Variants in OR3A3 observed in about 807,000 individuals in gnomAD.
OR3A3 encodes the protein olfactory receptor family 3 subfamily A member 3.
For missense variants in OR3A3, 275 were observed against 391.4 expected (o/e 0.70, Z 2.51); for synonymous variants, 103 against 163.9 (o/e 0.63, Z 2.84).
intron 2 of OR3A3, among the ~76,000 whole-genome samples, chr17:3,416,708 T>G (rs1298478174): frequency 6.6e-6 from 1 of 152,112 alleles, no homozygotes; most frequent in African/African-American, 2.4e-5. Flanking sequence ...TTTATTGAAA[T>G]ATAATAGTTG....
exon 3 of OR3A3, chr17:3,421,497 G>C (rs535211163): frequency 1.5e-5 from 23 of 1,542,908 alleles, no homozygotes; most frequent in Non-Finnish European, 2.0e-5. Flanking sequence ...AGGGCGCTCT[G>C]TGTCAGCTAC....
intron 2 of OR3A3, among the ~76,000 whole-genome samples, chr17:3,413,580 C>T (rs1362959976): frequency 1.3e-5 from 2 of 151,998 alleles, no homozygotes; most frequent in African/African-American, 2.4e-5. Flanking sequence ...TTTGGGAGGC[C>T]GAGGTGGGCG....
intron 2 of OR3A3, among the ~76,000 whole-genome samples, chr17:3,416,966 T>C (rs2072395764): frequency 6.6e-6 from 1 of 151,958 alleles, no homozygotes; most frequent in African/African-American, 2.4e-5. Context: ...CAATTTATCT[T>C]TATCACTCCT....
chr17:3,416,137 G>C (rs543782364), intron 2 of OR3A3, among the ~76,000 whole-genome samples: 22 of 151,804 alleles, frequency 1.4e-4, no homozygotes, highest in Non-Finnish European at 2.2e-4. Context: ...TAACATGTTA[G>C]GTAAGTACCT....
chr17:3,421,965 C>T (rs1224428149), exon 3 of OR3A3: 3 of 154,526 alleles, frequency 1.9e-5, no homozygotes, highest in Admixed American at 6.4e-5. Flanking sequence ...CCCGCTTTCT[C>T]GGTAGAGCTG....
intron 2 of OR3A3, among the ~76,000 whole-genome samples, chr17:3,414,603 C>T (rs533206337): frequency 5.9e-5 from 9 of 152,152 alleles, no homozygotes; most frequent in Non-Finnish European, 1.0e-4. Flanking sequence ...AGCAGCAATG[C>T]GATCAGAGAC....
chr17:3,419,601 C>T (rs2072413602), intron 2 of OR3A3, among the ~76,000 whole-genome samples: 1 of 152,012 alleles, frequency 6.6e-6, no homozygotes, highest in Non-Finnish European at 1.5e-5. Flanking sequence ...AAAGCATATG[C>T]CAATCAATAT....
chr17:3,415,316 T>C (rs192282018), intron 2 of OR3A3, among the ~76,000 whole-genome samples: 6 of 152,118 alleles, frequency 3.9e-5, no homozygotes, highest in African/African-American at 1.4e-4. Flanking sequence ...ATCCCAGCAC[T>C]TTGGGAGGCC....
chr17:3,420,059 G>A (rs761202766), intron 2 of OR3A3, among the ~76,000 whole-genome samples: 22 of 152,218 alleles, frequency 1.4e-4, no homozygotes, highest in African/African-American at 1.9e-4. Context: ...GAGCCACTGC[G>A]CCCGGGGAAA....
chr17:3,417,921 G>A (rs537507296), intron 2 of OR3A3, among the ~76,000 whole-genome samples: 27 of 152,282 alleles, frequency 1.8e-4, no homozygotes, highest in African/African-American at 6.0e-4. Context: ...GTCTCTAGAA[G>A]CCGGTCTTCA....
At chr17:3,413,319 T>C (rs1246872875) in intron 2 of OR3A3, among the ~76,000 whole-genome samples, 4 of 152,292 alleles carry the variant, frequency 2.6e-5, no homozygotes, top group Admixed American at 2.0e-4. Flanking sequence ...AGCCAGCAAC[T>C]GGCGTCAAGT....
chr17:3,416,573 C>T (rs577286134), intron 2 of OR3A3, among the ~76,000 whole-genome samples: 3 of 152,172 alleles, frequency 2.0e-5, no homozygotes, highest in East Asian at 1.9e-4. Context: ...GAAGCTAGCT[C>T]TTTCTCTACT....
intron 2 of OR3A3, among the ~76,000 whole-genome samples, chr17:3,414,084 T>C (rs1039269564): frequency 1.7e-4 from 26 of 152,200 alleles, no homozygotes; most frequent in Non-Finnish European, 8.8e-5. Context: ...TGACTCTTTT[T>C]TTTGAGACAG....
chr17:3,412,700 A>C (rs528989370), intron 2 of OR3A3, among the ~76,000 whole-genome samples: 295 of 151,746 alleles, frequency 1.9e-3, no homozygotes, highest in Non-Finnish European at 3.5e-3. Context: ...ACAGCTGTTT[A>C]GTGGTTCTTC....
chr17:3,421,615 A>C (rs558684150), exon 3 of OR3A3: 9 of 1,466,722 alleles, frequency 6.1e-6, no homozygotes, highest in South Asian at 2.8e-5. Flanking sequence ...GTTTATAACC[A>C]TTATTTCTAT....
chr17:3,413,563 C>T (rs1438783124), intron 2 of OR3A3, among the ~76,000 whole-genome samples: 1 of 152,048 alleles, frequency 6.6e-6, no homozygotes, highest in Non-Finnish European at 1.5e-5. Context: ...GCCTGTAATC[C>T]CAGCACTTTG....
chr17:3,417,000 A>C (rs1438520806), intron 2 of OR3A3, among the ~76,000 whole-genome samples: 1 of 152,006 alleles, frequency 6.6e-6, no homozygotes, highest in Non-Finnish European at 1.5e-5. Context: ...CCCAGCCTCC[A>C]ATCACCACCA....
intron 2 of OR3A3, among the ~76,000 whole-genome samples, chr17:3,416,101 T>C (rs911831983): frequency 2.6e-5 from 4 of 151,974 alleles, no homozygotes; most frequent in Non-Finnish European, 5.9e-5. Flanking sequence ...TGTGAGCCAC[T>C]GCACCTGGCC....
At chr17:3,416,075 G>A (rs563848534) in intron 2 of OR3A3, among the ~76,000 whole-genome samples, 14 of 151,898 alleles carry the variant, frequency 9.2e-5, no homozygotes, top group East Asian at 3.9e-4. Flanking sequence ...GCCTCCCAAC[G>A]TGCTGGGATT....
Sources: gnomAD v4.1 joint callset for allele counts (sites outside exome capture counted in the v4.1 genomes callset) on GRCh38, gnomAD v4.1.1 for gene constraint, MANE v1.5 for transcripts, NCBI Gene and HGNC (gene_info 2026-07-23, HGNC 2026-07-21) for gene names.